STEEP1: variants seen among roughly 807,000 people sequenced by gnomAD.
STEEP1 encodes STING ER exit protein.
In STEEP1, 3 loss-of-function variants were observed where a neutral mutation model predicts 19.2. The ratio of observed to expected loss-of-function variants is 0.16; its 90% CI spans 0.07 to 0.40. The LOEUF is 0.40. Among genes scored for constraint, STEEP1 ranks in the 10% least tolerant of loss-of-function variants. The pLI, the probability that STEEP1 is intolerant of heterozygous loss-of-function variation, is 0.99. For missense variants in STEEP1, 54 were observed against 177.1 expected (o/e 0.30, Z 3.94); for synonymous variants, 46 against 63.7 (o/e 0.72, Z 1.32).
At chrX:119,542,902 G>A (rs1172938965) in intron 4 of STEEP1, 1 of 141,699 alleles carries the variant, frequency 7.1e-6, no homozygotes, top group Non-Finnish European at 1.3e-5. Context: ...CTGGGCTCAA[G>A]TGATCTTCCT....
At chrX:119,540,741 G>A (rs1240906426) in intron 6 of STEEP1, among the ~76,000 whole-genome samples, 1 of 112,277 alleles carries the variant, frequency 8.9e-6, no homozygotes, top group Non-Finnish European at 1.9e-5. Context: ...TGGACCACAA[G>A]AAGCAGATTA....
At chrX:119,545,006 G>A (rs1378442585) in intron 3 of STEEP1, among the ~76,000 whole-genome samples, 1 of 110,623 alleles carries the variant, frequency 9.0e-6, no homozygotes, top group Non-Finnish European at 1.9e-5. Context: ...CCTCTTTGGG[G>A]AACATATTGG....
intron 2 of STEEP1, among the ~76,000 whole-genome samples, chrX:119,560,003 C>T (rs1450552448): frequency 9.0e-6 from 1 of 111,565 alleles, no homozygotes; most frequent in Non-Finnish European, 1.9e-5. Flanking sequence ...AAGCCGAGGT[C>T]ACACCACTGC....
At chrX:119,556,011 C>T (rs1434942558) in intron 2 of STEEP1, among the ~76,000 whole-genome samples, 2 of 111,915 alleles carry the variant, frequency 1.8e-5, no homozygotes, top group African/African-American at 6.5e-5. Context: ...CAGTTCTGAG[C>T]ACTGGTTGAG....
intron 4 of STEEP1, among the ~76,000 whole-genome samples, chrX:119,543,654 C>CT (rs201586669): frequency 0.044 from 4,797 of 109,355 alleles, 96 homozygotes; most frequent in South Asian, 0.087. Context: ...AGCCAATTTA[C>CT]TTTTTTTTGT....
rs199898592 is a variant in STEEP1, at chrX:119,544,334, C to G, written c.423+19G>C. ...AATCTAGAGCTATATTAAGCAGTCT[C>G]TCCTTCAATGGTAATTACCTTCTTA... is the stretch of plus-strand genomic sequence containing the variant. On this transcript the variant is annotated intron_variant, in intron 4 of 6. Transcript: ENST00000644802. 3.3e-6 allele frequency: 4 copies of G among 1,195,816 alleles called. No individual in the cohort carries two copies. In the African/African-American group the frequency reaches 7.0e-5, roughly 21 times the overall value.
At chrX:119,540,066 C>G (rs905210861) in intron 6 of STEEP1, among the ~76,000 whole-genome samples, 1 of 111,647 alleles carries the variant, frequency 9.0e-6, no homozygotes, top group African/African-American at 3.3e-5. Context: ...CAGCGCCCCC[C>G]ACAGGCTGAG....
At chrX:119,543,291 G>T (rs766815562) in intron 4 of STEEP1, among the ~76,000 whole-genome samples, 1 of 110,165 alleles carries the variant, frequency 9.1e-6, no homozygotes, top group East Asian at 2.8e-4. Context: ...GGGTTCAAGC[G>T]ATTCTCCTGC....
At chrX:119,547,142 C>T (rs902607623) in intron 2 of STEEP1, among the ~76,000 whole-genome samples, 7 of 111,349 alleles carry the variant, frequency 6.3e-5, no homozygotes, top group Admixed American at 9.7e-5. Context: ...GACAAATGTA[C>T]GCTGTTCTCT....
At position 119,557,503 on chromosome X, in the gene STEEP1, GAAAAAAGAA is replaced by G. The variant is rs1480022503; in HGVS notation, c.242+2756_242+2764del. On this transcript the variant is annotated intron_variant, in intron 2 of 6. Transcript: ENST00000644802. ...CAAAAAAAAAAAAAAAAAGAAAAAA[GAAAAAAGAA>G]AAAAAAATCCACATCCATCCAGGAA... Among the ~76,000 whole-genome samples, 3 of 100,054 alleles carry G rather than the reference GAAAAAAGAA, an allele frequency of 3.0e-5. No homozygotes were observed. The Admixed American group carries it at 3.3e-4, about 11-fold the overall frequency. 86.9% of individuals were successfully genotyped at this position (100,054 alleles called of 115,157 possible). A position where few individuals can be genotyped will look rare whatever the true frequency, so the allele number is the denominator to read the frequency against.
At chrX:119,555,821 G>GATGGTGGC (rs1569400804) in intron 2 of STEEP1, among the ~76,000 whole-genome samples, 2 of 109,913 alleles carry the variant, frequency 1.8e-5, no homozygotes, top group South Asian at 3.8e-4. Context: ...GGGATGGTGG[G>GATGGTGGC]GACAGATGAG....
chrX:119,544,307 TA>T (rs1174923156), intron 4 of STEEP1, 45 bp downstream of exon 4: 7 of 1,118,055 alleles, frequency 6.3e-6, no homozygotes, highest in Middle Eastern at 3.3e-4. Flanking sequence ...AAACATGAGC[TA>T]AATCTAGAGC....
intron 3 of STEEP1, among the ~76,000 whole-genome samples, chrX:119,544,818 G>A (rs773345149): frequency 9.0e-6 from 1 of 110,727 alleles, no homozygotes; most frequent in East Asian, 2.9e-4. Flanking sequence ...GCAGGTGCCT[G>A]TAATCCCAGC....
intron 1 of STEEP1, among the ~76,000 whole-genome samples, chrX:119,562,344 C>A (rs747415710): frequency 6.8e-4 from 76 of 111,360 alleles, no homozygotes; most frequent in African/African-American, 2.3e-3. Context: ...CCGGCCTGAC[C>A]AACATGGAGA....
At chrX:119,555,528 C>T (rs979114940) in intron 2 of STEEP1, among the ~76,000 whole-genome samples, 1 of 111,026 alleles carries the variant, frequency 9.0e-6, no homozygotes, top group Admixed American at 9.7e-5. Context: ...GTTTCAAAGG[C>T]ATTGCTATAA....
chrX:119,542,749 T>A (rs1230888751), intron 4 of STEEP1, 155 bp from the exon 5 acceptor site: 7 of 346,422 alleles, frequency 2.0e-5, no homozygotes, highest in Non-Finnish European at 3.5e-5. Flanking sequence ...TGCCAATGTT[T>A]TTATTTACAT....
intron 3 of STEEP1, among the ~76,000 whole-genome samples, chrX:119,545,027 T>C (rs764941822): frequency 1.7e-4 from 19 of 110,928 alleles, no homozygotes; most frequent in African/African-American, 6.2e-4. Flanking sequence ...TATTTGTGCA[T>C]AGTTGAAGTC....
intron 2 of STEEP1, among the ~76,000 whole-genome samples, chrX:119,553,109 G>A (rs992698092): frequency 1.1e-4 from 11 of 104,144 alleles, no homozygotes; most frequent in African/African-American, 3.5e-4. Flanking sequence ...AACGGAGATC[G>A]CGCCGTTGCA....
intron 2 of STEEP1, among the ~76,000 whole-genome samples, chrX:119,546,973 C>CA (rs1315229417): frequency 9.0e-6 from 1 of 110,900 alleles, no homozygotes; most frequent in Non-Finnish European, 1.9e-5. Flanking sequence ...GAGTATAAAA[C>CA]AAAAAATATC....
Sources: allele counts gnomAD v4.1 joint callset (sites outside exome capture counted in the v4.1 genomes callset), GRCh38; gene constraint gnomAD v4.1.1; transcripts MANE v1.5; gene names NCBI Gene and HGNC (gene_info 2026-07-23, HGNC 2026-07-21).